The following ABCC5 variants were observed in gnomAD, a reference collection of about 807,000 sequenced individuals.
The protein encoded by ABCC5 is ATP-binding cassette sub-family C member 5.
ABCC5 carries 61 observed loss-of-function variants against 160.9 expected under a neutral mutation model. That is an observed-to-expected ratio of 0.38 (90% CI 0.31 to 0.47). The LOEUF (loss-of-function observed/expected upper bound fraction) is 0.47. Among genes scored for constraint, ABCC5 ranks in the 20% least tolerant of loss-of-function variants. The pLI is 0.99. For synonymous variants in ABCC5, 666 were observed against 700.6 expected, an observed-to-expected ratio of 0.95 and a Z score of 0.78; for missense variants, 1,308 against 1,813.3, an observed-to-expected ratio of 0.72 and a Z score of 5.06.
intron 2 of ABCC5, chr3:184,006,199 A>G (rs1374258645): frequency 6.6e-6 from 1 of 151,446 alleles, no homozygotes; most frequent in Non-Finnish European, 1.5e-5. Context: ...CTGCTATTGG[A>G]GACCAACACC....
chr3:183,984,545 A>G, intron 5 of ABCC5: 1 of 1,189,788 alleles, frequency 8.4e-7, no homozygotes, highest in Non-Finnish European at 1.0e-6. Flanking sequence ...TTAATACCAG[A>G]TGTCCACTAG....
chr3:183,980,576 G>C (rs931152645), intron 8 of ABCC5, among the ~76,000 whole-genome samples: 4 of 152,150 alleles, frequency 2.6e-5, no homozygotes, highest in Admixed American at 6.5e-5. Context: ...GGCACCTCTT[G>C]AGTGCTCATC....
At chr3:183,985,206 G>T in intron 5 of ABCC5, 1 of 1,115,952 alleles carries the variant, frequency 9.0e-7, no homozygotes, top group Non-Finnish European at 1.3e-6. Flanking sequence ...AGTTACAAAT[G>T]TATCATTTAA....
At chr3:183,967,390 T>G (rs1717321268) in intron 12 of ABCC5, 1 of 334,630 alleles carries the variant, frequency 3.0e-6, no homozygotes, top group South Asian at 2.9e-5. Context: ...CTCTGACATT[T>G]TCAATACACG....
At chr3:183,995,846 C>T (rs933616245) in intron 2 of ABCC5, among the ~76,000 whole-genome samples, 1 of 151,972 alleles carries the variant, frequency 6.6e-6, no homozygotes, top group Non-Finnish European at 1.5e-5. Context: ...CTCACTCTGT[C>T]GCCCAGGCTG....
chr3:183,981,097 C>G (rs148462927), intron 8 of ABCC5, among the ~76,000 whole-genome samples: 1,621 of 152,234 alleles, frequency 0.011, 18 homozygotes, highest in African/African-American at 0.037. Context: ...TATGGTCCAC[C>G]AACAGCCTCA....
chr3:183,950,546 T>G (rs1022087672), intron 20 of ABCC5, among the ~76,000 whole-genome samples: 1 of 152,246 alleles, frequency 6.6e-6, no homozygotes, highest in Non-Finnish European at 1.5e-5. Context: ...GCACAGACCC[T>G]TCAACAGTTA....
chr3:183,951,419 A>G lies in ABCC5; in HGVS notation c.2944+22T>C. The G allele has an allele frequency of 6.2e-7, 1 of 1,613,168 alleles. No homozygotes were observed. Among genetic ancestry groups the G allele is most frequent in the Non-Finnish European group, 8.5e-7 (1 of 1,179,666 alleles). ...AGCACAGTGAGCTCCAGAGTATTAA[A>G]AAAAGGCTCAGTGAGAAATACCTTC... is the stretch of plus-strand genomic sequence containing the variant. On this transcript the variant is annotated intron_variant, in intron 20 of 29. Coordinates refer to ENST00000334444, the MANE Select transcript of ABCC5 (RefSeq NM_005688.4). This position sits in a 1 kb window ranked among gnomAD's most constrained non-coding sequence, Gnocchi z 4.7.
intron 2 of ABCC5, among the ~76,000 whole-genome samples, chr3:183,994,500 T>A (rs1170975339): frequency 6.6e-6 from 1 of 151,976 alleles, no homozygotes; most frequent in African/African-American, 2.4e-5. Context: ...CTCAGCCTCC[T>A]GAGTTGCTGG....
At chr3:183,985,019 T>C (rs984060944) in intron 5 of ABCC5, 7 of 826,864 alleles carry the variant, frequency 8.5e-6, no homozygotes, top group South Asian at 4.8e-5. Flanking sequence ...GTAAAAGACA[T>C]AGTGAATGTT....
At position 183,959,778 on chromosome 3, in the gene ABCC5, T is replaced by C; in HGVS notation, c.2437A>G (p.Lys813Glu). 1 of 1,613,300 alleles carries C rather than the reference T, an allele frequency of 6.2e-7. No individual in the cohort carries two copies. Among genetic ancestry groups the C allele is most frequent in the African/African-American group, 1.3e-5 (1 of 75,012 alleles). ...TTTTCCTTCTTTACTGATCCTGTTT[T>C]AGGACCCTTGTCTTGTGACTTCTTC... is the stretch of plus-strand genomic sequence containing the variant. ...SQKKSQDKGP[K>E]TGSVKKEKAV... The change falls in exon 17 of 30, where the codon AAA becomes GAA. Residue 813 changes from lysine to glutamate, a missense_variant. Physicochemically the swap from Lys to Glu is moderately conservative, Grantham distance 56. Around this residue, in one of 3 missense-constraint regions of ABCC5, gnomAD observed 1,142 missense variants for 1,527.1 expected, o/e 0.75. Coordinates refer to ENST00000334444, the MANE Select transcript of ABCC5 (RefSeq NM_005688.4).
At chr3:183,936,374 A>C (rs542923110) in intron 26 of ABCC5, among the ~76,000 whole-genome samples, 7 of 152,322 alleles carry the variant, frequency 4.6e-5, no homozygotes, top group African/African-American at 1.7e-4. Context: ...GATATCTACC[A>C]AAGTTCCTTG....
intron 2 of ABCC5, among the ~76,000 whole-genome samples, chr3:183,990,024 C>T (rs1397629637): frequency 7.9e-5 from 12 of 151,120 alleles, no homozygotes; most frequent in Non-Finnish European, 1.5e-4. Flanking sequence ...AGGCTGGTTT[C>T]GAACTCCTGA....
chr3:183,956,407 C>A (rs553904717), intron 17 of ABCC5, among the ~76,000 whole-genome samples: 10 of 150,680 alleles, frequency 6.6e-5, no homozygotes, highest in Non-Finnish European at 1.5e-4. Context: ...CATGCAGATC[C>A]GTGTGTATAT....
At chr3:183,952,755 G>T (rs1715497195) in intron 18 of ABCC5, among the ~76,000 whole-genome samples, 1 of 152,104 alleles carries the variant, frequency 6.6e-6, no homozygotes, top group Admixed American at 6.6e-5. Context: ...CAGTTATGTG[G>T]AACTGTGAGT....
chr3:183,928,771 C>T lies in ABCC5; in HGVS notation c.3909G>A (p.Leu1303=). The T allele has an allele frequency of 6.2e-7, 1 of 1,614,156 alleles. No homozygotes were observed. Among genetic ancestry groups the T allele is most frequent in the Non-Finnish European group, 8.5e-7 (1 of 1,180,010 alleles). The part of the protein sequence containing the change: ...QYTEDQIWDA[L]ERTHMKECIA... ...CACATTCTTTCATGTGTGTCCTCTCCAGGGCATCCCAAATCTGGTCTTCAG... is the reference window on the plus strand; with the variant it reads ...CACATTCTTTCATGTGTGTCCTCTCTAGGGCATCCCAAATCTGGTCTTCAG... The change falls in exon 27 of 30, where the codon CTG becomes CTA. Residue 1303 remains leucine (L), a synonymous_variant. Coordinates refer to ENST00000334444, the MANE Select transcript of ABCC5 (RefSeq NM_005688.4).
rs201402426 is a variant in ABCC5, at chr3:183,959,833, G to A, written c.2382C>T (p.Ile794=). The change falls in exon 17 of 30, where the codon ATC becomes ATT. Residue 794 remains isoleucine, a splice_region_variant and synonymous_variant. Transcript: ENST00000334444. ...AACCACTGGTTTCCTTTTTTGAATT[G>A]ATCTAATAATATTTAAAAAAAAAAG... The part of the protein sequence containing the change: ...LLLGETPPVE[I]NSKKETSGSQ... The A allele has an allele frequency of 1.7e-5, 27 of 1,594,156 alleles. 1 individual carries two copies. The Admixed American group carries it at 4.7e-4, about 28-fold the overall frequency.
rs373923261 is a variant in ABCC5 at position 183,988,508 on chromosome 3, C to T, written c.443+64G>A. The T allele has an allele frequency of 6.5e-6, 10 of 1,542,650 alleles. 1 individual carries two copies. In the African/African-American group the frequency reaches 1.2e-4, roughly 19 times the overall value. Reference sequence around the variant, plus strand: ...TAAAGACACAGAGCTGTGGACTTCACACTCCTAGCTCAGGCCCTGCCCACC... The same window carrying T: ...TAAAGACACAGAGCTGTGGACTTCATACTCCTAGCTCAGGCCCTGCCCACC... On this transcript the variant is annotated intron_variant, in intron 4 of 29. Coordinates refer to ENST00000334444, the MANE Select transcript of ABCC5 (RefSeq NM_005688.4). The surrounding 1 kb of genome is among the most constrained non-coding windows in gnomAD (Gnocchi z 4.4).
intron 26 of ABCC5, among the ~76,000 whole-genome samples, chr3:183,933,037 A>G (rs1713328754): frequency 6.6e-6 from 1 of 151,928 alleles, no homozygotes; most frequent in Admixed American, 6.6e-5. Context: ...GTGTGGTAGT[A>G]GGTGCCTGTA....
Sources: allele counts gnomAD v4.1 joint callset (sites outside exome capture counted in the v4.1 genomes callset), GRCh38; gene constraint gnomAD v4.1.1; regional missense constraint gnomAD v4.1.1; non-coding constraint Gnocchi (gnomAD v3.1); transcripts MANE v1.5; gene names NCBI Gene and HGNC (gene_info 2026-07-23, HGNC 2026-07-21).